Variants in ZNF648 observed in about 807,000 individuals in gnomAD.
The protein encoded by ZNF648 is zinc finger protein 648.
Under a neutral mutation model 0.3 loss-of-function variants are expected in ZNF648, and 1 was observed. That is an observed-to-expected ratio of 3.90 (90% CI 1.39 to 18.51). The LOEUF is 18.51. Ranked by LOEUF, ZNF648 falls within the 30% of genes most tolerant of loss-of-function variation. The pLI is 0.11. For synonymous variants in ZNF648, 376 were observed against 326.8 expected (o/e 1.15, Z -1.62); for missense variants, 874 against 769.7 (o/e 1.14, Z -1.60).
upstream of ZNF648, among the ~76,000 whole-genome samples, chr1:182,066,457 C>T (rs1328326530): frequency 1.3e-5 from 2 of 152,228 alleles, no homozygotes; most frequent in Non-Finnish European, 2.9e-5. Context: ...TTGCCCCAGC[C>T]CTTCATCATC....
In ZNF648 at chr1:182,056,211, G is replaced by T. The variant is rs1313785383; in HGVS notation, c.*93C>A. The T allele has an allele frequency of 6.7e-7, 1 of 1,483,356 alleles. No individual in the cohort carries two copies. Among genetic ancestry groups the T allele is most frequent in the Non-Finnish European group, 9.0e-7 (1 of 1,109,322 alleles). 91.9% of individuals were successfully genotyped at this position (1,483,356 alleles called of 1,614,324 possible). On this transcript the variant is annotated 3_prime_UTR_variant, in exon 2 of 2. Coordinates refer to ENST00000339948, the MANE Select transcript of ZNF648 (RefSeq NM_001009992.1). ...ATGGACCACTGATGACCCGCGACCT[G>T]CTGGGAGGCGAGGCTGACCAGTGAG...
At chr1:182,062,799 T>A (rs528477943), upstream of ZNF648, 4 of 152,326 alleles carry the variant, frequency 2.6e-5, no homozygotes, top group South Asian at 8.3e-4. Flanking sequence ...TATCAACCCT[T>A]CCTTCACCTA....
chr1:182,058,208 G>A, intron 1 of ZNF648, 135 bp from the exon 2 acceptor site: 1 of 634,186 alleles, frequency 1.6e-6, no homozygotes, highest in Non-Finnish European at 2.6e-6. Flanking sequence ...GAGCCTCACT[G>A]AGGACAGAGG....
intron 1 of ZNF648, among the ~76,000 whole-genome samples, chr1:182,061,143 G>A (rs936214091): frequency 1.3e-5 from 2 of 152,156 alleles, no homozygotes; most frequent in African/African-American, 2.4e-5. Context: ...GCATGCTCTC[G>A]ACCACCAGGA....
At position 182,057,132 on chromosome 1, in the gene ZNF648, T is replaced by C. The variant is rs200890478; in HGVS notation, c.879A>G (p.Thr293=). ...LCGKAYSHRG[T]LQQHRRLHTG... is the part of the protein sequence containing the mutation. ...TGTGCAGGCGCCTGTGCTGCTGGAG[T>C]GTGCCGCGGTGGGAGTAGGCCTTCC... Residue 293 remains threonine (T), a synonymous_variant, in exon 2 of 2, where the codon ACA becomes ACG. Transcript: ENST00000339948. 30 of 1,605,582 alleles carry C rather than the reference T, an allele frequency of 1.9e-5. No individual in the cohort carries two copies. The Admixed American group carries it at 2.3e-4, about 13-fold the overall frequency.
At chr1:182,058,157 T>G in intron 1 of ZNF648, 84 bp from the exon 2 acceptor site, 1 of 945,462 alleles carries the variant, frequency 1.1e-6, no homozygotes, top group Non-Finnish European at 1.5e-6. Context: ...GTTCCCACTA[T>G]AGCTCTGTTT....
chr1:182,057,148 T>C lies in ZNF648; in HGVS notation c.863A>G (p.Tyr288Cys), dbSNP rs1665936902. 6.2e-7 allele frequency: 1 copy of C among 1,601,982 alleles called. No homozygotes were observed. The highest frequency in any genetic ancestry group is 1.1e-5 in the South Asian group (1 of 90,816). ...RYACELCGKA[Y>C]SHRGTLQQHR... is the part of the protein sequence containing the mutation. ...CTGCTGGAGTGTGCCGCGGTGGGAG[T>C]AGGCCTTCCCGCATAGCTCGCACGC... Residue 288 changes from tyrosine (Y) to cysteine (C), a missense_variant, in exon 2 of 2, where the codon TAC becomes TGC. By Grantham distance (194) the Tyr-to-Cys change is radical. Coordinates refer to ENST00000339948, the MANE Select transcript of ZNF648 (RefSeq NM_001009992.1).
upstream of ZNF648, chr1:182,063,258 A>G (rs1666054254): frequency 1.3e-5 from 2 of 152,222 alleles, no homozygotes; most frequent in Admixed American, 6.5e-5. Context: ...TTCTGGTTCT[A>G]AATCTTTGAG....
Position 182,056,766 on chromosome 1 carries a change from C to A in ZNF648, c.1245G>T (p.Ser415=). Residue 415 remains serine (S), a synonymous_variant, in exon 2 of 2, where the codon TCG becomes TCT. Coordinates refer to ENST00000339948, the MANE Select transcript of ZNF648 (RefSeq NM_001009992.1). Reference sequence around the variant, plus strand: ...TGGGGCAGGGGAAGGGCCGCTCGCCCGAGTGCACGCGCTGGTGCTCCACCA... The same window carrying A: ...TGGGGCAGGGGAAGGGCCGCTCGCCAGAGTGCACGCGCTGGTGCTCCACCA... The part of the protein sequence containing the change: ...SRMVEHQRVH[S]GERPFPCPTC... 1 of 1,562,954 alleles carries A rather than the reference C, an allele frequency of 6.4e-7. No homozygotes were observed. The highest frequency in any genetic ancestry group is 8.7e-7 in the Non-Finnish European group (1 of 1,153,932).
At chr1:182,065,481 C>T (rs950619888), upstream of ZNF648, among the ~76,000 whole-genome samples, 4 of 152,152 alleles carry the variant, frequency 2.6e-5, no homozygotes, top group African/African-American at 2.4e-5. Context: ...TTCTAGAAAC[C>T]GTAACAACCG....
chr1:182,056,834 G>A lies in ZNF648; in HGVS notation c.1177C>T (p.Arg393Cys). 3.9e-6 allele frequency: 6 copies of A among 1,555,520 alleles called. No homozygotes were observed. The highest frequency in any genetic ancestry group is 5.2e-6 in the Non-Finnish European group (6 of 1,149,884). Residue 393 changes from arginine (R) to cysteine (C), a missense_variant, in exon 2 of 2, where the codon CGC becomes TGC. By Grantham distance (180) the Arg-to-Cys change is radical. Coordinates refer to ENST00000339948, the MANE Select transcript of ZNF648 (RefSeq NM_001009992.1). ...QRTHLGAKPF[R>C]CPACDREFAV... Reference sequence around the variant, plus strand: ...AACTCCCGGTCGCAGGCGGGGCAGCGGAAGGGCTTGGCGCCCAGGTGCGTG... The same window carrying A: ...AACTCCCGGTCGCAGGCGGGGCAGCAGAAGGGCTTGGCGCCCAGGTGCGTG...
At chr1:182,061,269 A>G (rs988327637) in intron 1 of ZNF648, among the ~76,000 whole-genome samples, 1 of 152,040 alleles carries the variant, frequency 6.6e-6, no homozygotes, top group Non-Finnish European at 1.5e-5. Context: ...TCTGCTCCCC[A>G]GATGTGCTAG....
upstream of ZNF648, among the ~76,000 whole-genome samples, chr1:182,065,589 G>C (rs1307963209): frequency 6.6e-6 from 1 of 152,174 alleles, no homozygotes; most frequent in Admixed American, 6.5e-5. Context: ...CACTGGTATG[G>C]GATAGTCCAC....
rs1665967878 is a variant in ZNF648 at position 182,057,999 on chromosome 1, C to T, written c.12G>A (p.Val4=). 2.5e-6 allele frequency: 4 copies of T among 1,605,428 alleles called. No individual in the cohort carries two copies. In the East Asian group the frequency reaches 8.9e-5, roughly 36 times the overall value. Residue 4 remains valine (V), a synonymous_variant, in exon 2 of 2, where the codon GTG becomes GTA. Coordinates refer to ENST00000339948, the MANE Select transcript of ZNF648 (RefSeq NM_001009992.1). MAQ[V]DSQDRWGEAS... Reference sequence around the variant, plus strand: ...CCTCTCCCCACCTGTCCTGGGAGTCCACTTGTGCCATGATGTTCAGGCGCT... The same window carrying T: ...CCTCTCCCCACCTGTCCTGGGAGTCTACTTGTGCCATGATGTTCAGGCGCT...
the ZNF648 span, among the ~76,000 whole-genome samples, chr1:182,068,072 C>G: frequency 6.6e-6 from 1 of 152,190 alleles, no homozygotes; most frequent in South Asian, 2.1e-4. Flanking sequence ...GAAGATACTG[C>G]TTATCTTTAC....
At chr1:182,059,846 C>A (rs1473049811) in intron 1 of ZNF648, among the ~76,000 whole-genome samples, 1 of 150,806 alleles carries the variant, frequency 6.6e-6, no homozygotes, top group Non-Finnish European at 1.5e-5. Context: ...CTATATTATT[C>A]TTTCAATTTT....
chr1:182,056,508 C>T lies in ZNF648; in HGVS notation c.1503G>A (p.Glu501=), dbSNP rs551293081. The change falls in exon 2 of 2, where the codon GAG becomes GAA. Residue 501 remains glutamate, a synonymous_variant. Coordinates refer to ENST00000339948, the MANE Select transcript of ZNF648 (RefSeq NM_001009992.1). ...CGCACTCGGCACAGAGGAATCCCTT[C>T]TCCCCGGAGTGGATCTGTTGGTGCC... is the stretch of plus-strand genomic sequence containing the variant. ...LKRHQQIHSG[E]KGFLCAECGR... 2.0e-5 allele frequency: 32 copies of T among 1,613,906 alleles called. No individual in the cohort carries two copies. In the East Asian group the frequency reaches 6.7e-4, roughly 34 times the overall value.
chr1:182,056,692 G>A lies in ZNF648; in HGVS notation c.1319C>T (p.Thr440Met). ...GAAAGGCCTCTGGCCGGTGTGCAGC[G>A]TCTGGTGCTCGGACAGATTGGAGGA... The part of the protein sequence containing the change: ...TKSSNLSEHQ[T>M]LHTGQRPFKC... Residue 440 changes from threonine to methionine, a missense_variant, in exon 2 of 2, where the codon ACG becomes ATG. Transcript: ENST00000339948. The A allele has an allele frequency of 1.2e-6, 2 of 1,601,158 alleles. No homozygotes were observed. Among genetic ancestry groups the A allele is most frequent in the South Asian group, 1.1e-5 (1 of 89,240 alleles).
upstream of ZNF648, chr1:182,063,071 G>A (rs938539373): frequency 6.6e-6 from 1 of 152,212 alleles, no homozygotes; most frequent in Non-Finnish European, 1.5e-5. Flanking sequence ...ATTCCATGGT[G>A]TATATATACC....
Sources: gnomAD v4.1 joint callset for allele counts (sites outside exome capture counted in the v4.1 genomes callset) on GRCh38, gnomAD v4.1.1 for gene constraint, MANE v1.5 for transcripts, NCBI Gene and HGNC (gene_info 2026-07-23, HGNC 2026-07-21) for gene names.